TG: variants seen among roughly 807,000 people sequenced by gnomAD.
The protein encoded by TG is thyroglobulin, also known as thyroid hormones.
Under a neutral mutation model 324.7 loss-of-function variants are expected in TG, and 270 were observed. The observed-to-expected ratio is 0.83, with a 90% CI of 0.75 to 0.92. TG has a LOEUF of 0.92. TG is among the 40% of genes least tolerant of loss of function. The probability of loss-of-function intolerance (pLI) is 0.00; values close to 1 mark genes in which losing one functional copy is unlikely to be tolerated. For missense variants in TG, 3,591 were observed against 3,456.4 expected (o/e 1.04, Z -0.98); for synonymous variants, 1,401 against 1,327.0 (o/e 1.06, Z -1.21).
intron 5 of TG, among the ~76,000 whole-genome samples, chr8:132,878,761 G>T (rs957521377): frequency 1.3e-5 from 2 of 152,024 alleles, no homozygotes; most frequent in African/African-American, 4.8e-5. Flanking sequence ...CCTTGGTTCT[G>T]TCTCCCACCT....
chr8:133,007,967 T>C (rs1486044880), intron 35 of TG, among the ~76,000 whole-genome samples: 1 of 152,164 alleles, frequency 6.6e-6, no homozygotes, highest in Non-Finnish European at 1.5e-5. Context: ...GTGAGTTTCA[T>C]TGATGGTGAT....
chr8:132,922,230 G>A (rs185458757), intron 21 of TG, among the ~76,000 whole-genome samples: 22 of 152,308 alleles, frequency 1.4e-4, no homozygotes, highest in African/African-American at 4.8e-4. Context: ...GAAGGACAAG[G>A]GGACATTAGC....
intron 41 of TG, among the ~76,000 whole-genome samples, chr8:133,094,093 T>C (rs1848024433): frequency 6.6e-6 from 1 of 152,136 alleles, no homozygotes; most frequent in Admixed American, 6.5e-5. Context: ...GGATGCACCC[T>C]GGAACTGCAC....
At chr8:132,966,790 C>T in intron 30 of TG, 93 bp downstream of exon 30, 1 of 1,511,284 alleles carries the variant, frequency 6.6e-7, no homozygotes. Flanking sequence ...CAGATAAGGC[C>T]AAATTTTGTG....
rs1166051735 is a variant in TG, at chr8:132,971,792, A to C, written c.5976-2A>C. On this transcript the variant is annotated splice_acceptor_variant, in intron 32 of 47. Transcript: ENST00000220616. LOFTEE classifies it high-confidence loss of function. ...GGCCTGCTCTTTCTCTTCCTATGCC[A>C]GGTTCTTTGAATGTGAACGACGGTG... 3 of 1,610,880 alleles carry C rather than the reference A, an allele frequency of 1.9e-6. No individual in the cohort carries two copies. In the African/African-American group the frequency reaches 4.0e-5, roughly 22 times the overall value.
rs1445592726 is a variant in TG, at chr8:132,993,288, G to T, written c.6262+9876G>T. Among the ~76,000 whole-genome samples, 3 of 152,220 alleles carry T rather than the reference G, an allele frequency of 2.0e-5. No homozygotes were observed. The East Asian group carries it at 5.8e-4, about 29-fold the overall frequency. Reference sequence around the variant, plus strand: ...AATGAAAAACGAATGAATGGAGAGGGTGGTTGTGGAGTATTGAAAGCCACA... The same window carrying T: ...AATGAAAAACGAATGAATGGAGAGGTTGGTTGTGGAGTATTGAAAGCCACA... On this transcript the variant is annotated intron_variant, in intron 35 of 47. Coordinates refer to ENST00000220616, the MANE Select transcript of TG (RefSeq NM_003235.5).
At position 132,912,963 on chromosome 8, in the gene TG, C is replaced by T. The variant is rs1368758761; in HGVS notation, c.4160-84C>T. ...TATGTCTCATTCCAGTCTGGATATT[C>T]TAGGCATCTCTGCCCTGCTTAATCC... On this transcript the variant is annotated intron_variant, in intron 19 of 47. Coordinates refer to ENST00000220616, the MANE Select transcript of TG (RefSeq NM_003235.5). 1.3e-5 allele frequency: 16 copies of T among 1,263,904 alleles called. No homozygotes were observed. The Admixed American group carries it at 1.3e-4, about 10-fold the overall frequency. The allele number at this position is 1,263,904 out of a possible 1,614,324, so 78.3% of individuals were successfully genotyped here.
At chr8:132,868,054 C>T (rs1839133344) in intron 1 of TG, 61 bp from the exon 2 acceptor site, 18 of 1,452,008 alleles carry the variant, frequency 1.2e-5, no homozygotes, top group Admixed American at 5.0e-5. Flanking sequence ...TATGAGAGCC[C>T]GTCTCTGTCC....
At chr8:133,038,235 C>CCA (rs1837439497) in intron 41 of TG, 1 of 426,362 alleles carries the variant, frequency 2.3e-6, no homozygotes, top group South Asian at 2.4e-5. Flanking sequence ...TTTGTCCTTC[C>CCA]CACACACACA....
chr8:132,986,885 T>C (rs1831624433), intron 35 of TG, among the ~76,000 whole-genome samples: 1 of 152,218 alleles, frequency 6.6e-6, no homozygotes, highest in African/African-American at 2.4e-5. Context: ...CTTGCGATCC[T>C]TAAGTTTTAT....
At chr8:133,070,751 G>C (rs534451046) in intron 41 of TG, among the ~76,000 whole-genome samples, 1 of 152,178 alleles carries the variant, frequency 6.6e-6, no homozygotes, top group Non-Finnish European at 1.5e-5. Flanking sequence ...GGGTCTGCTG[G>C]CAAGACCAGA....
intron 44 of TG, 110 bp downstream of exon 44, chr8:133,113,713 G>C: frequency 1.6e-6 from 2 of 1,249,214 alleles, no homozygotes; most frequent in Non-Finnish European, 2.3e-6. Context: ...TTGTGCTTGA[G>C]GTTTCCTCTG....
intron 8 of TG, among the ~76,000 whole-genome samples, chr8:132,885,133 G>A (rs916694086): frequency 1.3e-5 from 2 of 150,982 alleles, no homozygotes; most frequent in African/African-American, 2.5e-5. Context: ...AAAAGTTGGG[G>A]GGGGGGCGTG....
intron 35 of TG, among the ~76,000 whole-genome samples, chr8:133,010,326 A>G (rs530530924): frequency 6.6e-6 from 1 of 152,336 alleles, no homozygotes; most frequent in Non-Finnish European, 1.5e-5. Flanking sequence ...TGAAGTGAAT[A>G]TGGTTTGTAA....
intron 27 of TG, among the ~76,000 whole-genome samples, chr8:132,955,445 C>T (rs569570801): frequency 2.0e-5 from 3 of 152,290 alleles, no homozygotes; most frequent in South Asian, 2.1e-4. Context: ...CCTTCAGATC[C>T]GTGACTGATC....
intron 31 of TG, among the ~76,000 whole-genome samples, chr8:132,968,245 T>C (rs1389472323): frequency 6.6e-6 from 1 of 152,184 alleles, no homozygotes; most frequent in Non-Finnish European, 1.5e-5. Flanking sequence ...ACCCAAAATG[T>C]TTATTCACAC....
chr8:132,998,480 G>A (rs1412305950), intron 35 of TG, among the ~76,000 whole-genome samples: 2 of 152,234 alleles, frequency 1.3e-5, no homozygotes, highest in East Asian at 1.9e-4. Flanking sequence ...TCAGCAGACT[G>A]AGACAAGCTG....
At chr8:132,907,381 C>A (rs1470902078) in intron 17 of TG, among the ~76,000 whole-genome samples, 1 of 152,188 alleles carries the variant, frequency 6.6e-6, no homozygotes, top group Non-Finnish European at 1.5e-5. Flanking sequence ...CCAGGTAGGG[C>A]ATCAGTCCTG....
intron 25 of TG, among the ~76,000 whole-genome samples, chr8:132,936,795 G>A (rs1007323233): frequency 2.2e-4 from 34 of 152,326 alleles, no homozygotes; most frequent in African/African-American, 8.2e-4. Context: ...TCTGAGCCAT[G>A]CGCTCTGGGC....
Sources: allele counts gnomAD v4.1 joint callset (sites outside exome capture counted in the v4.1 genomes callset), GRCh38; gene constraint gnomAD v4.1.1; transcripts MANE v1.5; gene names NCBI Gene and HGNC (gene_info 2026-07-23, HGNC 2026-07-21).